Variants in UNKL observed in about 807,000 individuals in gnomAD.
UNKL encodes putative E3 ubiquitin-protein ligase UNKL.
UNKL carries 60 observed loss-of-function variants against 78.0 expected under a neutral mutation model. The ratio of observed to expected loss-of-function variants is 0.77; its 90% confidence interval spans 0.63 to 0.95. The LOEUF (loss-of-function observed/expected upper bound fraction) is 0.95. UNKL is among the 40% of genes least tolerant of loss of function. The probability of loss-of-function intolerance (pLI) is 0.00; values close to 1 mark genes in which losing one functional copy is unlikely to be tolerated. For synonymous variants in UNKL, 608 were observed against 474.8 expected (o/e 1.28, Z -3.65); for missense variants, 1,159 against 1,045.7 (o/e 1.11, Z -1.49).
chr16:1,379,479 G>A (rs1254941818), intron 10 of UNKL: 2 of 985,104 alleles, frequency 2.0e-6, no homozygotes, highest in African/African-American at 3.5e-5. Context: ...CCTCTGAGAA[G>A]CCCGGGCCCA....
At chr16:1,386,094 C>A (rs8056149) in intron 9 of UNKL, among the ~76,000 whole-genome samples, 55 of 152,332 alleles carry the variant, frequency 3.6e-4, no homozygotes, top group Non-Finnish European at 5.4e-4. Context: ...ACTGCAAAAC[C>A]AAGCATCAAA....
intron 2 of UNKL, among the ~76,000 whole-genome samples, chr16:1,408,268 C>CA (rs2037862750): frequency 6.6e-6 from 1 of 152,220 alleles, no homozygotes; most frequent in Non-Finnish European, 1.5e-5. Flanking sequence ...CTGCCCCCCC[C>CA]CCCAACGACC....
Position 1,366,361 on chromosome 16 carries a change from G to A in UNKL, c.2081C>T (p.Ala694Val), listed in dbSNP as rs141734848. Residue 694 changes from alanine to valine, a missense_variant, in exon 15 of 15, where the codon GCC becomes GTC. Transcript: ENST00000389221. The stretch of plus-strand genomic sequence containing the variant: ...AGCACCGTGGGCCCGCTCCCGGCAG[G>A]CCACACACTGCTTGGCGCGGAGCTG... ...IFQLRAKQCV[A>V]CRERAHGAVL... is the part of the protein sequence containing the mutation. 150 of 1,602,752 alleles carry A rather than the reference G, an allele frequency of 9.4e-5. No individual in the cohort carries two copies. The African/African-American group carries it at 1.9e-3, about 20-fold the overall frequency.
rs552962257 is a variant in UNKL, at chr16:1,406,404, G to C, written c.288-3060C>G. On this transcript the variant is annotated intron_variant, in intron 2 of 14. Transcript: ENST00000389221. ...ATTTTTGTATATTTAGTAGAGACAG[G>C]GTTTCACCATGTTGACCAGGCTGGT... Among the ~76,000 whole-genome samples, 50 of 152,194 alleles carry C rather than the reference G, an allele frequency of 3.3e-4. No individual in the cohort carries two copies. The South Asian group carries it at 0.01, about 31-fold the overall frequency.
intron 5 of UNKL, chr16:1,398,431 G>A: frequency 2.8e-6 from 3 of 1,054,286 alleles, no homozygotes; most frequent in Non-Finnish European, 3.4e-6. Context: ...CTAATTTGTG[G>A]TTTGTTCTAC....
chr16:1,367,091 C>T lies in UNKL; in HGVS notation c.2046+1G>A, dbSNP rs1192132339. The T allele has an allele frequency of 3.9e-6, 6 of 1,549,854 alleles. No homozygotes were observed. The highest frequency in any genetic ancestry group is 1.2e-5 in the South Asian group (1 of 82,412). The stretch of plus-strand genomic sequence containing the variant: ...CTCACCCTGCCCAGAGCAGGACTCA[C>T]GCCGTCCACCGCCTCCAGGTCCAGG... On this transcript the variant is annotated splice_donor_variant, in intron 14 of 14. Coordinates refer to ENST00000389221, the MANE Select transcript of UNKL (RefSeq NM_001372107.1). LOFTEE classifies it high-confidence loss of function.
chr16:1,377,180 C>G (rs989917673), intron 10 of UNKL, among the ~76,000 whole-genome samples: 45 of 152,270 alleles, frequency 3.0e-4, no homozygotes, highest in Middle Eastern at 3.4e-3. Flanking sequence ...CCTCCACCAC[C>G]CCCAGCTAAT....
intron 13 of UNKL, 68 bp downstream of exon 13, chr16:1,367,588 C>A: frequency 8.8e-7 from 1 of 1,133,572 alleles, no homozygotes; most frequent in Non-Finnish European, 1.2e-6. Context: ...ATCTCACCCC[C>A]ACACGCTCAC....
At chr16:1,366,623 G>A (rs1432985917) in intron 14 of UNKL, among the ~76,000 whole-genome samples, 1 of 152,150 alleles carries the variant, frequency 6.6e-6, no homozygotes, top group African/African-American at 2.4e-5. Flanking sequence ...ACAGCCTCCT[G>A]GGGCCACCAC....
chr16:1,386,196 G>C (rs994055209), intron 9 of UNKL, among the ~76,000 whole-genome samples: 1 of 151,928 alleles, frequency 6.6e-6, no homozygotes, highest in Non-Finnish European at 1.5e-5. Context: ...ATTACTGGAG[G>C]TCAGGAGTTC....
At chr16:1,393,008 G>A in intron 7 of UNKL, 32 bp from the exon 8 acceptor site, 1 of 1,547,804 alleles carries the variant, frequency 6.5e-7, no homozygotes, top group Non-Finnish European at 8.7e-7. Context: ...AGACTCTGAG[G>A]GCCGCTGGTG....
rs907869902 is a variant in UNKL, at chr16:1,391,676, T to C, written c.1024-982A>G. On this transcript the variant is annotated intron_variant, in intron 8 of 14. Coordinates refer to ENST00000389221, the MANE Select transcript of UNKL (RefSeq NM_001372107.1). ...CTGGCTCCCTGTCGGTTCTCCTGAG[T>C]TCCATTTCTTTTCTTTTCATTTTTT... Among the ~76,000 whole-genome samples, 13 of 151,584 alleles carry C rather than the reference T, an allele frequency of 8.6e-5. No homozygotes were observed. In the East Asian group the frequency reaches 2.0e-3, roughly 23 times the overall value.
chr16:1,390,529 G>C (rs1475292968), intron 9 of UNKL, 103 bp downstream of exon 9: 1 of 1,261,598 alleles, frequency 7.9e-7, no homozygotes, highest in East Asian at 2.6e-5. Flanking sequence ...AAGGATGCAT[G>C]AGCGCTGCCC....
In UNKL at chr16:1,399,160, G is replaced by A; in HGVS notation, c.734+214C>T. 1 of 1,104,618 alleles carries A rather than the reference G, an allele frequency of 9.1e-7. No homozygotes were observed. Among genetic ancestry groups the A allele is most frequent in the South Asian group, 1.7e-5 (1 of 59,748 alleles). The allele number at this position is 1,104,618 out of a possible 1,614,324, so 68.4% of individuals were successfully genotyped here. ...GGTAGGGGACTGCATGGGAGACACTGAGCGTAGGTGGGGAGGCCCATCCCC... is the reference window on the plus strand; with the variant it reads ...GGTAGGGGACTGCATGGGAGACACTAAGCGTAGGTGGGGAGGCCCATCCCC... On this transcript the variant is annotated intron_variant, in intron 5 of 14. Coordinates refer to ENST00000389221, the MANE Select transcript of UNKL (RefSeq NM_001372107.1). The surrounding 1 kb of genome is among the most constrained non-coding windows in gnomAD (Gnocchi z 5.8).
rs755433450 is a variant in UNKL at position 1,401,535 on chromosome 16, CA to C, written c.598+32del. On this transcript the variant is annotated intron_variant, in intron 4 of 14. Transcript: ENST00000389221. ...GTTCTCGCGCTGTGCCCGCCCCCCC[CA>C]CCACCGCCCTCAGCTGCGGCCGTGG... 2.7e-3 allele frequency: 3,721 copies of C among 1,399,708 alleles called. 25 individuals carry two copies. Among genetic ancestry groups the C allele is most frequent in the African/African-American group, 4.3e-3 (286 of 66,000 alleles). 86.7% of individuals were successfully genotyped at this position (1,399,708 alleles called of 1,614,324 possible). A position where few individuals can be genotyped will look rare whatever the true frequency, so the allele number is the denominator to read the frequency against.
At chr16:1,370,049 C>T (rs1455264404) in intron 12 of UNKL, 81 bp downstream of exon 12, 1 of 1,550,634 alleles carries the variant, frequency 6.4e-7, no homozygotes, top group Non-Finnish European at 8.7e-7. Flanking sequence ...CCGTGTGAGG[C>T]CCCTCAGTCA....
At position 1,374,170 on chromosome 16, in the gene UNKL, ACACCGCACAGAGACCTCAGCAGCGTGGGG is replaced by A. The variant is rs1467650373; in HGVS notation, c.1265-2588_1265-2560del. Among the ~76,000 whole-genome samples the A allele has an allele frequency of 6.1e-3, 917 of 150,754 alleles. 17 individuals carry two copies. The highest frequency in any genetic ancestry group is 0.021 in the African/African-American group (854 of 40,872). Reference sequence around the variant, plus strand: ...CACACCACACAGGGACTGCCGGCCAACACCGCACAGAGACCTCAGCAGCGTGGGGCACACCACACAGGGACTGTTGCGCA... The same window carrying A: ...CACACCACACAGGGACTGCCGGCCAACACACCACACAGGGACTGTTGCGCA... On this transcript the variant is annotated intron_variant, in intron 10 of 14. Transcript: ENST00000389221.
At chr16:1,414,115 G>A (rs1243843074) in intron 1 of UNKL, 60 bp from the exon 2 acceptor site, 1 of 1,473,142 alleles carries the variant, frequency 6.8e-7, no homozygotes. Flanking sequence ...ACTCGGACTC[G>A]TGGGCGGCGG....
chr16:1,400,245 C>A (rs931107641), intron 4 of UNKL, among the ~76,000 whole-genome samples: 7 of 151,556 alleles, frequency 4.6e-5, no homozygotes, highest in African/African-American at 1.7e-4. Flanking sequence ...ACAGTGAAAC[C>A]CCGTCTCTAC....
Sources: allele counts gnomAD v4.1 joint callset (sites outside exome capture counted in the v4.1 genomes callset), GRCh38; gene constraint gnomAD v4.1.1; non-coding constraint Gnocchi (gnomAD v3.1); transcripts MANE v1.5; gene names NCBI Gene and HGNC (gene_info 2026-07-23, HGNC 2026-07-21).